PCED1A: variants seen among roughly 807,000 people sequenced by gnomAD.
PCED1A encodes PC-esterase domain containing 1A.
A neutral mutation model predicts 41.9 loss-of-function variants in PCED1A; 20 were observed. The observed-to-expected ratio is 0.48, with a 90% CI of 0.34 to 0.69. The LOEUF is 0.69. PCED1A is among the 30% of genes least tolerant of loss of function. The pLI is 0.01. For missense variants in PCED1A, 498 were observed against 602.1 expected, an observed-to-expected ratio of 0.83 and a Z score of 1.81; for synonymous variants, 236 against 241.3, an observed-to-expected ratio of 0.98 and a Z score of 0.20.
upstream of PCED1A, chr20:2,840,943 G>C: frequency 9.6e-7 from 1 of 1,047,032 alleles, no homozygotes; most frequent in Non-Finnish European, 1.4e-6. Context: ...CCCCGCGCCG[G>C]CTCTCCCCGA....
chr20:2,837,444 C>T (rs980600187), intron 6 of PCED1A, among the ~76,000 whole-genome samples: 3 of 152,104 alleles, frequency 2.0e-5, no homozygotes, highest in Non-Finnish European at 2.9e-5. Flanking sequence ...AGGGGTGAGT[C>T]GTCAACAAGT....
At position 2,835,460 on chromosome 20, in the gene PCED1A, G is replaced by T; in HGVS notation, c.*2C>A. 5.6e-6 allele frequency: 9 copies of T among 1,603,452 alleles called. No homozygotes were observed. The highest frequency in any genetic ancestry group is 7.7e-6 in the Non-Finnish European group (9 of 1,172,368). ...ACATCCAGTCCCAGCCCAAGATCCA[G>T]TCTACCCAGGCCATGTCCCCGAATG... On this transcript the variant is annotated 3_prime_UTR_variant, in exon 8 of 8. Transcript: ENST00000360652.
At chr20:2,840,059 C>T in intron 1 of PCED1A, 126 bp from the exon 2 acceptor site, 2 of 1,048,578 alleles carry the variant, frequency 1.9e-6, no homozygotes, top group Non-Finnish European at 2.6e-6. Context: ...CATGGTGGCG[C>T]CAGCCTTGGT....
In PCED1A at chr20:2,839,879, G is replaced by T. The variant is rs756545276; in HGVS notation, c.34C>A (p.Arg12Ser). Residue 12 changes from arginine to serine, a missense_variant, in exon 2 of 8, where the codon CGC becomes AGC. Transcript: ENST00000360652. ...VFCLSSEEPR[R>S]PLRSDMVHFQ... ...TGGACCATGTCGCTTCGCAGCGGGC[G>T]GCGCGGCTCCTCGCTCGACAGACAG... 1.2e-6 allele frequency: 2 copies of T among 1,613,386 alleles called. No individual in the cohort carries two copies. The highest frequency in any genetic ancestry group is 2.7e-5 in the African/African-American group (2 of 74,778).
chr20:2,840,885 G>T (rs921442638), upstream of PCED1A: 6 of 1,503,506 alleles, frequency 4.0e-6, no homozygotes, highest in Non-Finnish European at 4.5e-6. Flanking sequence ...CCGCCGGCTG[G>T]AGTCTCCCGG....
Position 2,840,541 on chromosome 20 carries a change from T to G in PCED1A, c.-352A>C, listed in dbSNP as rs2088949018. On this transcript the variant is annotated 5_prime_UTR_variant, in exon 1 of 8. Coordinates refer to ENST00000360652, the MANE Select transcript of PCED1A (RefSeq NM_022760.6). Reference sequence around the variant, plus strand: ...AGTGCCCGAAGGGAAAGCAAGGCGATGGAGGTGGCCGCCACAGGGCGCAGG... The same window carrying G: ...AGTGCCCGAAGGGAAAGCAAGGCGAGGGAGGTGGCCGCCACAGGGCGCAGG... 1.8e-6 allele frequency: 1 copy of G among 563,514 alleles called. No individual in the cohort carries two copies. The highest frequency in any genetic ancestry group is 3.1e-6 in the Non-Finnish European group (1 of 320,706). 34.9% of individuals were successfully genotyped at this position (563,514 alleles called of 1,614,324 possible).
In PCED1A at chr20:2,840,289, T is replaced by G; in HGVS notation, c.-100A>C. On this transcript the variant is annotated 5_prime_UTR_variant, in exon 1 of 8. It removes the in-frame stop codon of an upstream open reading frame in the 5' UTR. Coordinates refer to ENST00000360652, the MANE Select transcript of PCED1A (RefSeq NM_022760.6). ...GCGCGCCTGGCCCGCAGCGGGCTCC[T>G]AGCCAAGCCTCATGTTCCCGCGCCC... is the stretch of plus-strand genomic sequence containing the variant. 4.1e-6 allele frequency: 1 copy of G among 242,256 alleles called. No homozygotes were observed. The highest frequency in any genetic ancestry group is 7.9e-6 in the Non-Finnish European group (1 of 126,130). The allele number at this position is 242,256 out of a possible 1,614,324, so 15.0% of individuals were successfully genotyped here.
intron 7 of PCED1A, 49 bp from the exon 8 acceptor site, chr20:2,835,758 T>TGCAGCTCTGCCTTGAA: frequency 2.6e-6 from 4 of 1,511,946 alleles, no homozygotes; most frequent in Non-Finnish European, 3.5e-6. Context: ...CCAGAGTGAG[T>TGCAGCTCTGCCTTGAA]GCAGCTCTGC....
At chr20:2,840,877 G>A (rs1250393028), upstream of PCED1A, 28 of 1,186,988 alleles carry the variant, frequency 2.4e-5, no homozygotes, top group East Asian at 6.7e-5. Flanking sequence ...CTGCTCGCCC[G>A]CCGGCTGGAG....
chr20:2,839,117 T>C lies in PCED1A; in HGVS notation c.205-35A>G, dbSNP rs201973881. ...CCCCCCACCCTACTGGTCAGACCCA[T>C]GCCAGGGAGGAGAACCCTGCCAGGC... On this transcript the variant is annotated intron_variant, in intron 3 of 7. Transcript: ENST00000360652. 6.1e-6 allele frequency: 6 copies of C among 986,638 alleles called. No homozygotes were observed. The East Asian group carries it at 3.1e-4, about 50-fold the overall frequency. 61.1% of individuals were successfully genotyped at this position (986,638 alleles called of 1,614,324 possible).
chr20:2,840,580 C>T lies in PCED1A; in HGVS notation c.-391G>A, dbSNP rs541792306. The T allele has an allele frequency of 3.2e-6, 2 of 625,422 alleles. No individual in the cohort carries two copies. Among genetic ancestry groups the T allele is most frequent in the Middle Eastern group, 4.3e-4 (1 of 2,340 alleles). The allele number at this position is 625,422 out of a possible 1,614,324, so 38.7% of individuals were successfully genotyped here. The stretch of plus-strand genomic sequence containing the variant: ...ACAGGGCGCAGGAGCCAGGGCTGGG[C>T]CCACTTGGCGGGCGCGAAGCCCAGG... On this transcript the variant is annotated 5_prime_UTR_variant, in exon 1 of 8. Transcript: ENST00000360652.
chr20:2,835,560 C>T lies in PCED1A; in HGVS notation c.1267G>A (p.Gly423Arg), dbSNP rs555700168. 6.2e-7 allele frequency: 1 copy of T among 1,614,182 alleles called. No homozygotes were observed. Among genetic ancestry groups the T allele is most frequent in the East Asian group, 2.2e-5 (1 of 44,878 alleles). ...TGTCTGAGCCGCTGCCTGCAGGGCC[C>T]CCCCATTCTCCGCACATGGTAGGGG... ...NSPYHVRRMG[G>R]PCRQRLRHSE... Residue 423 changes from glycine to arginine, a missense_variant, in exon 8 of 8, where the codon GGG becomes AGG. This residue lies in a region of PCED1A where 245 missense variants were observed against 232.4 expected (regional missense o/e 1.05). Transcript: ENST00000360652.
At chr20:2,840,886 A>G (rs1599960843), upstream of PCED1A, 1 of 1,266,582 alleles carries the variant, frequency 7.9e-7, no homozygotes, top group Non-Finnish European at 1.0e-6. Context: ...CGCCGGCTGG[A>G]GTCTCCCGGC....
intron 7 of PCED1A, 80 bp from the exon 8 acceptor site, chr20:2,835,789 C>G: frequency 1.3e-6 from 2 of 1,504,096 alleles, no homozygotes; most frequent in Non-Finnish European, 1.8e-6. Context: ...CTCTTGTCCT[C>G]CAGGTGAGCT....
At position 2,838,335 on chromosome 20, in the gene PCED1A, A is replaced by C. The variant is rs749818592; in HGVS notation, c.738T>G (p.Gly246=). 6.2e-7 allele frequency: 1 copy of C among 1,614,258 alleles called. No homozygotes were observed. Among genetic ancestry groups the C allele is most frequent in the Non-Finnish European group, 8.5e-7 (1 of 1,180,042 alleles). Residue 246 remains glycine, a synonymous_variant, in exon 6 of 8, where the codon GGT becomes GGG. Transcript: ENST00000360652. The surrounding 1 kb of genome is among the most constrained non-coding windows in gnomAD (Gnocchi z 5.8). The part of the protein sequence containing the change: ...RHAVQHRHRD[G]VHWDQHAHRH... ...GGTGTGCATGCTGGTCCCAGTGGAC[A>C]CCATCCCGATGACGGTGCTGTACTG...
In PCED1A at chr20:2,839,847, C is replaced by T. The variant is rs2274670; in HGVS notation, c.66G>A (p.Gln22=). 1.9e-6 allele frequency: 3 copies of T among 1,614,092 alleles called. No individual in the cohort carries two copies. The change falls in exon 2 of 8, where the codon CAG becomes CAA. Residue 22 remains glutamine, a synonymous_variant. Transcript: ENST00000360652. ...GTAGCAGCTGCTGGACTTCCGAGGC[C>T]TGGAAGTGGACCATGTCGCTTCGCA... ...RPLRSDMVHF[Q]ASEVQQLLHN...
rs150630425 is a variant in PCED1A, at chr20:2,840,224, T to A, written c.-35A>T. On this transcript the variant is annotated 5_prime_UTR_variant, in exon 1 of 8. Coordinates refer to ENST00000360652, the MANE Select transcript of PCED1A (RefSeq NM_022760.6). ...CGCGCCAATTACCAAGTCCCGGGGC[T>A]CCGCGGTGTTCACCCGCGACCCGGG... 1 of 273,010 alleles carries A rather than the reference T, an allele frequency of 3.7e-6. No individual in the cohort carries two copies. Among genetic ancestry groups the A allele is most frequent in the African/African-American group, 2.2e-5 (1 of 44,572 alleles). The allele number at this position is 273,010 out of a possible 1,614,324, so 16.9% of individuals were successfully genotyped here.
chr20:2,837,337 A>G (rs1438526605), intron 6 of PCED1A, among the ~76,000 whole-genome samples: 1 of 152,196 alleles, frequency 6.6e-6, no homozygotes, highest in African/African-American at 2.4e-5. Flanking sequence ...TTGTGCTGCC[A>G]TAATCGGCCT....
rs1007798733 is a variant in PCED1A, at chr20:2,840,017, A to G, written c.-21-84T>C. On this transcript the variant is annotated intron_variant, in intron 1 of 7. Coordinates refer to ENST00000360652, the MANE Select transcript of PCED1A (RefSeq NM_022760.6). ...GGGCTAGCCCCTCCGGGGCTGCTCA[A>G]TGCTAAAGGGAGGAGGTGACGGCAG... 2.6e-5 allele frequency: 36 copies of G among 1,368,860 alleles called. No individual in the cohort carries two copies. The African/African-American group carries it at 3.2e-4, about 12-fold the overall frequency. The allele number at this position is 1,368,860 out of a possible 1,614,324, so 84.8% of individuals were successfully genotyped here.
Sources: allele counts gnomAD v4.1 joint callset (sites outside exome capture counted in the v4.1 genomes callset), GRCh38; gene constraint gnomAD v4.1.1; regional missense constraint gnomAD v4.1.1; non-coding constraint Gnocchi (gnomAD v3.1); transcripts MANE v1.5; gene names NCBI Gene and HGNC (gene_info 2026-07-23, HGNC 2026-07-21).